Variants in DNAJB6 observed in about 807,000 individuals in gnomAD.
DNAJB6 encodes DnaJ heat shock protein family (Hsp40) member B6.
Under a neutral mutation model 42.7 loss-of-function variants are expected in DNAJB6, and 16 were observed. The ratio of observed to expected loss-of-function variants is 0.37; its 90% confidence interval spans 0.25 to 0.57. The LOEUF (loss-of-function observed/expected upper bound fraction) is 0.57. Among genes scored for constraint, DNAJB6 ranks in the 20% least tolerant of loss-of-function variants. DNAJB6 has a pLI of 0.74. For synonymous variants in DNAJB6, 170 were observed against 163.5 expected (o/e 1.04, Z -0.30); for missense variants, 347 against 416.8 (o/e 0.83, Z 1.46).
Position 157,340,998 on chromosome 7 carries a change from G to GTGTGTGCGCGCGCGCGCT in DNAJB6, c.-27+3854_-27+3855insTGTGTGCGCGCGCGCGCT, listed in dbSNP as rs67210462. Among the ~76,000 whole-genome samples, 260 of 135,028 alleles carry GTGTGTGCGCGCGCGCGCT rather than the reference G, an allele frequency of 1.9e-3. 1 individual carries two copies. Among genetic ancestry groups the GTGTGTGCGCGCGCGCGCT allele is most frequent in the Middle Eastern group, 3.6e-3 (1 of 276 alleles). The allele number at this position is 135,028 out of a possible 152,430, so 88.6% of individuals were successfully genotyped here. ...TGTGTGTGTGTGTGTGTGTGTGTGT[G>GTGTGTGCGCGCGCGCGCT]CGCGCGCGCAGGTGGAATCACCCTG... On this transcript the variant is annotated intron_variant, in intron 1 of 9. Transcript: ENST00000262177.
At chr7:157,388,805 A>G (rs538968224) in intron 8 of DNAJB6, among the ~76,000 whole-genome samples, 307 of 152,122 alleles carry the variant, frequency 2.0e-3, no homozygotes, top group Non-Finnish European at 3.4e-3. Flanking sequence ...TATTTTTGTC[A>G]TCTCCTGTTT....
chr7:157,349,319 T>G (rs1175086636), intron 1 of DNAJB6, among the ~76,000 whole-genome samples: 4 of 152,178 alleles, frequency 2.6e-5, no homozygotes, highest in Non-Finnish European at 5.9e-5. Flanking sequence ...CTTTTAACAT[T>G]AGGAAGGCTT....
chr7:157,392,026 C>T (rs1310093286), intron 8 of DNAJB6, among the ~76,000 whole-genome samples: 1 of 144,956 alleles, frequency 6.9e-6, no homozygotes, highest in Non-Finnish European at 1.5e-5. Flanking sequence ...TCACTTGAGT[C>T]AGGGATATGA....
intron 5 of DNAJB6, chr7:157,369,390 G>A (rs1800002783): frequency 2.2e-6 from 1 of 456,594 alleles, no homozygotes; most frequent in African/African-American, 2.0e-5. Flanking sequence ...GAAGTCCTGT[G>A]TTCTGATCGG....
chr7:157,342,244 C>T (rs1337947718), intron 1 of DNAJB6, among the ~76,000 whole-genome samples: 4 of 151,914 alleles, frequency 2.6e-5, no homozygotes, highest in Admixed American at 2.0e-4. Flanking sequence ...CTCAGCTCAC[C>T]CCAGCCTCCG....
At chr7:157,370,868 G>A (rs955723683) in intron 5 of DNAJB6, 13 of 152,698 alleles carry the variant, frequency 8.5e-5, no homozygotes, top group African/African-American at 3.1e-4. Flanking sequence ...GCCTGCTGAC[G>A]GTATGTTTAA....
chr7:157,361,359 A>G (rs926014415), intron 2 of DNAJB6, among the ~76,000 whole-genome samples: 1 of 152,030 alleles, frequency 6.6e-6, no homozygotes, highest in African/African-American at 2.4e-5. Context: ...GGGTTTCACC[A>G]TGTTGGCCAG....
rs892766150 is a variant in DNAJB6, at chr7:157,396,227, G to A, written c.691+10616G>A. On this transcript the variant is annotated intron_variant, in intron 8 of 9. Coordinates refer to ENST00000262177, the MANE Select transcript of DNAJB6 (RefSeq NM_058246.4). ...GCCTCCCAAAGTGCTGGGATTACAT[G>A]CGTGAGCCACTGTGCCTGGCCCCAT... Among the ~76,000 whole-genome samples, 2 of 152,178 alleles carry A rather than the reference G, an allele frequency of 1.3e-5. 1 individual carries two copies. The highest frequency in any genetic ancestry group is 4.1e-4 in the South Asian group (2 of 4,834).
At chr7:157,390,626 G>C (rs980733263) in intron 8 of DNAJB6, among the ~76,000 whole-genome samples, 2 of 152,060 alleles carry the variant, frequency 1.3e-5, no homozygotes, top group Non-Finnish European at 2.9e-5. Context: ...CTTCCTGCCC[G>C]TCTCACCCAG....
At chr7:157,384,528 A>G (rs772412581) in intron 6 of DNAJB6, among the ~76,000 whole-genome samples, 1 of 152,144 alleles carries the variant, frequency 6.6e-6, no homozygotes, top group African/African-American at 2.4e-5. Context: ...TTAACACAAC[A>G]CGTGCTTCAT....
At chr7:157,414,634 T>A (rs1014323896) in intron 9 of DNAJB6, 1 of 152,264 alleles carries the variant, frequency 6.6e-6, no homozygotes, top group Admixed American at 6.5e-5. Context: ...TGTAGGGCGG[T>A]TAGGACGCGC....
intron 5 of DNAJB6, chr7:157,380,256 T>TGGTGTGCAGG (rs1800688042): frequency 1.3e-5 from 2 of 152,194 alleles, no homozygotes; most frequent in South Asian, 4.1e-4. Flanking sequence ...AGTGACACAA[T>TGGTGTGCAGG]GGTGTGCAGG....
At chr7:157,358,776 C>A in intron 2 of DNAJB6, 139 bp downstream of exon 2, 1 of 685,728 alleles carries the variant, frequency 1.5e-6, no homozygotes. Flanking sequence ...TTTAATTTGA[C>A]AGAGCAGTTA....
At chr7:157,357,279 C>CT (rs1799345838) in intron 1 of DNAJB6, among the ~76,000 whole-genome samples, 1 of 61,864 alleles carries the variant, frequency 1.6e-5, no homozygotes, top group African/African-American at 7.5e-5. Flanking sequence ...TCCTTCCGTC[C>CT]TTCCTTCCGT....
At position 157,416,322 on chromosome 7, in the gene DNAJB6, G is replaced by A; in HGVS notation, c.*224G>A. The A allele has an allele frequency of 1.7e-6, 1 of 581,426 alleles. No individual in the cohort carries two copies. 36.0% of individuals were successfully genotyped at this position (581,426 alleles called of 1,614,324 possible). ...GTTTGGGACTTGGCCGCGACTCTCT[G>A]CTTCTCTCCAGCTCTCAATCTGCTG... On this transcript the variant is annotated 3_prime_UTR_variant, in exon 10 of 10. Coordinates refer to ENST00000262177, the MANE Select transcript of DNAJB6 (RefSeq NM_058246.4).
At chr7:157,348,488 T>G (rs541316835) in intron 1 of DNAJB6, among the ~76,000 whole-genome samples, 2 of 152,312 alleles carry the variant, frequency 1.3e-5, no homozygotes, top group South Asian at 4.1e-4. Context: ...GTTGGTGAAG[T>G]TTTCTTGCCT....
intron 1 of DNAJB6, among the ~76,000 whole-genome samples, chr7:157,350,450 C>T (rs1048033928): frequency 1.8e-4 from 27 of 152,122 alleles, no homozygotes; most frequent in Admixed American, 1.0e-3. Context: ...CCCCCGCTCC[C>T]CAGCATAAGG....
At chr7:157,369,968 T>TTTCTTAACATTATTATTAAACAGGCCCC (rs1471471674) in intron 5 of DNAJB6, among the ~76,000 whole-genome samples, 19 of 127,508 alleles carry the variant, frequency 1.5e-4, no homozygotes, top group African/African-American at 2.9e-4. Flanking sequence ...AAACGGGCCC[T>TTTCTTAACATTATTATTAAACAGGCCCC]TTCTTAACAT....
chr7:157,397,267 T>G (rs1801635946), intron 8 of DNAJB6, among the ~76,000 whole-genome samples: 1 of 152,174 alleles, frequency 6.6e-6, no homozygotes, highest in African/African-American at 2.4e-5. Context: ...CACGTAAGCA[T>G]TTGGTGTCTC....
Sources: allele counts gnomAD v4.1 joint callset (sites outside exome capture counted in the v4.1 genomes callset), GRCh38; gene constraint gnomAD v4.1.1; transcripts MANE v1.5; gene names NCBI Gene and HGNC (gene_info 2026-07-23, HGNC 2026-07-21).